Variants in IL11RA observed in about 807,000 individuals in gnomAD.
IL11RA encodes the protein interleukin-11 receptor subunit alpha.
Under a neutral mutation model 57.0 loss-of-function variants are expected in IL11RA, and 51 were observed. The ratio of observed to expected loss-of-function variants is 0.89; its 90% CI spans 0.71 to 1.13. IL11RA has a LOEUF of 1.13. Ranked by LOEUF, IL11RA falls within the 50% of genes most tolerant of loss-of-function variation. IL11RA has a pLI of 0.00. For synonymous variants in IL11RA, 199 were observed against 217.5 expected (o/e 0.91, Z 0.75); for missense variants, 498 against 539.4 (o/e 0.92, Z 0.76).
In IL11RA at chr9:34,657,065, A is replaced by T; in HGVS notation, c.362A>T (p.Gln121Leu). The change falls in exon 5 of 13, where the codon CAA (glutamine) becomes CTA (leucine). Residue 121 changes from glutamine to leucine, a missense_variant. Transcript: ENST00000441545. ...CCAGCCCGCCCTGTTGTCTCCTGCC[A>T]AGCAGCCGACTATGAGAACTTCTCT... ...YPPARPVVSC[Q>L]AADYENFSCT... 6.2e-7 allele frequency: 1 copy of T among 1,614,138 alleles called. No individual in the cohort carries two copies. The highest frequency in any genetic ancestry group is 8.5e-7 in the Non-Finnish European group (1 of 1,180,030).
intron 7 of IL11RA, among the ~76,000 whole-genome samples, chr9:34,657,878 C>A (rs1000460841): frequency 1.4e-4 from 21 of 152,248 alleles, no homozygotes; most frequent in Non-Finnish European, 7.3e-5. Context: ...CTTGCTGGCC[C>A]CTCCTTCCTT....
chr9:34,654,842 G>A (rs913836375), intron 1 of IL11RA, among the ~76,000 whole-genome samples: 3 of 152,170 alleles, frequency 2.0e-5, no homozygotes, highest in African/African-American at 7.2e-5. Flanking sequence ...AGGGGTTAAT[G>A]GGAGTGGCTG....
At position 34,657,581 on chromosome 9, in the gene IL11RA, A is replaced by G. The variant is rs1033028326; in HGVS notation, c.640A>G (p.Ser214Gly). ...ACGCCTGCTGGATGTGAGCTTGCAG[A>G]GCATCTGTGAGTACCCACCCCAGAC... is the stretch of plus-strand genomic sequence containing the variant. ...STRLLDVSLQ[S>G]ILRPDPPQGL... Residue 214 changes from serine to glycine, a missense_variant, in exon 7 of 13, where the codon AGC (serine) becomes GGC (glycine). Coordinates refer to ENST00000441545, the MANE Select transcript of IL11RA (RefSeq NM_001142784.3). 13 of 1,614,016 alleles carry G rather than the reference A, an allele frequency of 8.1e-6. No homozygotes were observed. The highest frequency in any genetic ancestry group is 3.3e-5 in the Admixed American group (2 of 60,028).
chr9:34,660,253 T>A (rs775050725), intron 9 of IL11RA, 21 bp from the exon 10 acceptor site: 1 of 1,614,154 alleles, frequency 6.2e-7, no homozygotes, highest in South Asian at 1.1e-5. Context: ...TGGACACTTA[T>A]TGGGTCTTGC....
chr9:34,656,752 T>G lies in IL11RA; in HGVS notation c.175T>G (p.Trp59Gly), dbSNP rs746029046. ...TCTCACTTCCAGGGACCCAGTGTCC[T>G]GGTTTCGGGATGGGGAGCCAAAGCT... is the stretch of plus-strand genomic sequence containing the variant. The part of the protein sequence containing the change: ...PGVTAGDPVS[W>G]FRDGEPKLLQ... Residue 59 changes from tryptophan to glycine, a missense_variant, in exon 4 of 13, where the codon TGG (tryptophan) becomes GGG (glycine). Trp to Gly is a radical substitution (Grantham distance 184). Coordinates refer to ENST00000441545, the MANE Select transcript of IL11RA (RefSeq NM_001142784.3). 1.2e-6 allele frequency: 2 copies of G among 1,614,192 alleles called. No individual in the cohort carries two copies. The highest frequency in any genetic ancestry group is 2.2e-5 in the South Asian group (2 of 91,088).
At chr9:34,652,314 C>G (rs1821270408) in intron 1 of IL11RA, 81 bp downstream of exon 1, 1 of 153,476 alleles carries the variant, frequency 6.5e-6, no homozygotes, top group Admixed American at 6.6e-5. Context: ...CCGGGAGTGA[C>G]TAACGACTGT....
chr9:34,660,621 C>G (rs772003368), intron 11 of IL11RA, 21 bp downstream of exon 11: 2 of 1,585,032 alleles, frequency 1.3e-6, no homozygotes, highest in South Asian at 1.1e-5. Context: ...GCCATTGGTC[C>G]CTCAGCCTCT....
Position 34,659,809 on chromosome 9 carries a change from G to GC in IL11RA, c.865dup (p.His289ProfsTer70). The GC allele has an allele frequency of 1.2e-6, 2 of 1,614,180 alleles. No individual in the cohort carries two copies. Among genetic ancestry groups the GC allele is most frequent in the Middle Eastern group, 1.6e-4 (1 of 6,062 alleles). ...TGATCACAGATGCTGTGGCTGGGCT[G>GC]CCCCATGCTGTACGAGTCAGTGCCC... is the stretch of plus-strand genomic sequence containing the variant. On this transcript the variant is annotated frameshift_variant, in exon 9 of 13. Coordinates refer to ENST00000441545, the MANE Select transcript of IL11RA (RefSeq NM_001142784.3). LOFTEE classifies it high-confidence loss of function.
intron 1 of IL11RA, among the ~76,000 whole-genome samples, chr9:34,654,242 C>T (rs1017550051): frequency 1.3e-5 from 2 of 152,100 alleles, no homozygotes; most frequent in African/African-American, 4.8e-5. Context: ...ATCTCTCTCT[C>T]CTAGCATCCC....
At chr9:34,655,164 C>A in intron 1 of IL11RA, 54 bp from the exon 2 acceptor site, 1 of 1,264,386 alleles carries the variant, frequency 7.9e-7, no homozygotes, top group Non-Finnish European at 1.1e-6. Context: ...AAGAGCCAGG[C>A]TTTAGCCTCC....
At chr9:34,657,259 G>C (rs758439988) in intron 5 of IL11RA, 44 bp from the exon 6 acceptor site, 2 of 1,613,618 alleles carry the variant, frequency 1.2e-6, no homozygotes, top group Non-Finnish European at 1.7e-6. Flanking sequence ...AGGGCAGAAG[G>C]CCCTCTTTTC....
Position 34,659,779 on chromosome 9 carries a change from G to C in IL11RA, c.831G>C (p.Glu277Asp). Residue 277 changes from glutamate (E) to aspartate (D), a missense_variant, in exon 9 of 13, where the codon GAG becomes GAC. By Grantham distance (45) the Glu-to-Asp change is conservative (BLOSUM62 2). Coordinates refer to ENST00000441545, the MANE Select transcript of IL11RA (RefSeq NM_001142784.3). The stretch of plus-strand genomic sequence containing the variant: ...CCCAGGTGGAGCCAGCTGGACTGGA[G>C]GAGGTGATCACAGATGCTGTGGCTG... ...AWSTVEPAGL[E>D]EVITDAVAGL... is the part of the protein sequence containing the mutation. The C allele has an allele frequency of 6.2e-7, 1 of 1,614,226 alleles. No homozygotes were observed. Among genetic ancestry groups the C allele is most frequent in the South Asian group, 1.1e-5 (1 of 91,080 alleles).
At position 34,659,750 on chromosome 9, in the gene IL11RA, T is replaced by A; in HGVS notation, c.811-9T>A. On this transcript the variant is annotated splice_polypyrimidine_tract_variant and intron_variant, in intron 8 of 12. Transcript: ENST00000441545. ...AAGCTGGGTAACAGTGAGTCATGTT[T>A]ACCCCCAGGTGGAGCCAGCTGGACT... The A allele has an allele frequency of 6.2e-7, 1 of 1,614,110 alleles. No individual in the cohort carries two copies.
intron 12 of IL11RA, among the ~76,000 whole-genome samples, chr9:34,661,137 T>C (rs1388327183): frequency 6.6e-6 from 1 of 151,510 alleles, no homozygotes; most frequent in Admixed American, 6.6e-5. Flanking sequence ...CTTTCCCTCC[T>C]CTCAGGGTAC....
rs775152788 is a variant in IL11RA at position 34,657,139 on chromosome 9, A to C, written c.436A>C (p.Thr146Pro). The C allele has an allele frequency of 2.5e-6, 4 of 1,613,294 alleles. No individual in the cohort carries two copies. The highest frequency in any genetic ancestry group is 1.7e-4 in the Middle Eastern group (1 of 6,058). Reference protein sequence around the residue: ...QISGLPTRYLTSYRKKTVLGA... With the variant: ...QISGLPTRYLPSYRKKTVLGA... Reference sequence around the variant, plus strand: ...CAGCGGTTTACCCACCCGCTACCTCACCTCCTACAGGTGTGTGTGTGATTG... The same window carrying C: ...CAGCGGTTTACCCACCCGCTACCTCCCCTCCTACAGGTGTGTGTGTGATTG... The change falls in exon 5 of 13, where the codon ACC becomes CCC. Residue 146 changes from threonine (T) to proline (P), a missense_variant. Transcript: ENST00000441545.
intron 1 of IL11RA, 27 bp downstream of exon 1, chr9:34,652,260 C>T (rs989834807): frequency 1.3e-5 from 2 of 153,184 alleles, no homozygotes; most frequent in Non-Finnish European, 2.9e-5. Context: ...ACGCCAAAGT[C>T]TTGTCAGGAG....
intron 12 of IL11RA, 93 bp from the exon 13 acceptor site, chr9:34,661,389 A>G: frequency 7.4e-7 from 1 of 1,357,894 alleles, no homozygotes; most frequent in Non-Finnish European, 1.1e-6. Context: ...CAGAGTGTTA[A>G]GCTTAGAACT....
At chr9:34,659,566 C>G (rs1046928452) in intron 8 of IL11RA, among the ~76,000 whole-genome samples, 193 bp from the exon 9 acceptor site, 2 of 152,188 alleles carry the variant, frequency 1.3e-5, no homozygotes, top group African/African-American at 4.8e-5. Context: ...GCCACAGCCT[C>G]TCTAAGTAAT....
chr9:34,658,373 T>G lies in IL11RA; in HGVS notation c.647-147T>G. On this transcript the variant is annotated intron_variant, in intron 7 of 12. Transcript: ENST00000441545. This position sits in a 1 kb window ranked among gnomAD's most constrained non-coding sequence, Gnocchi z 4.0. ...CATTTCATAATACAGATGACCGGTC[T>G]GAGTCTAATGGATGATCAAGTTTAA... 2 of 826,810 alleles carry G rather than the reference T, an allele frequency of 2.4e-6. No individual in the cohort carries two copies. Among genetic ancestry groups the G allele is most frequent in the South Asian group, 1.4e-5 (1 of 70,034 alleles). 51.2% of individuals were successfully genotyped at this position (826,810 alleles called of 1,614,324 possible).
Sources: allele counts gnomAD v4.1 joint callset (sites outside exome capture counted in the v4.1 genomes callset), GRCh38; gene constraint gnomAD v4.1.1; non-coding constraint Gnocchi (gnomAD v3.1); transcripts MANE v1.5; gene names NCBI Gene and HGNC (gene_info 2026-07-23, HGNC 2026-07-21).